Variants in RBFOX1 observed in about 807,000 individuals in gnomAD.
The protein encoded by RBFOX1 is RNA binding fox-1 homolog 1.
In RBFOX1, 8 loss-of-function variants were observed where a neutral mutation model predicts 57.7. The observed-to-expected ratio is 0.14, with a 90% confidence interval of 0.08 to 0.25. The LOEUF is 0.25. RBFOX1 is among the 10% of genes least tolerant of loss of function. The pLI is 1.00. For missense variants in RBFOX1, 611 were observed against 548.5 expected (o/e 1.11, Z -1.14); for synonymous variants, 326 against 222.4 (o/e 1.47, Z -4.15).
chr16:6,649,109 C>A (rs907605409), intron 2 of RBFOX1, among the ~76,000 whole-genome samples: 2 of 152,178 alleles, frequency 1.3e-5, no homozygotes, highest in Non-Finnish European at 2.9e-5. Context: ...CAGCAAACCC[C>A]CTGGTAGTGA....
At chr16:6,271,769 A>G (rs944315794) in intron 1 of RBFOX1, among the ~76,000 whole-genome samples, 2 of 152,220 alleles carry the variant, frequency 1.3e-5, no homozygotes, top group Non-Finnish European at 2.9e-5. Context: ...GATAATTTGA[A>G]TGTCCTATAA....
At chr16:7,040,837 A>G (rs995048680) in intron 3 of RBFOX1, among the ~76,000 whole-genome samples, 2 of 152,174 alleles carry the variant, frequency 1.3e-5, no homozygotes, top group African/African-American at 4.8e-5. Context: ...AGTTTGGCAA[A>G]TTGTGGCCAT....
intron 1 of RBFOX1, among the ~76,000 whole-genome samples, chr16:6,109,812 G>T (rs535576582): frequency 1.3e-5 from 2 of 152,248 alleles, no homozygotes; most frequent in South Asian, 2.1e-4. Flanking sequence ...TTGGCTTAAG[G>T]ATAAGTTACA....
intron 2 of RBFOX1, among the ~76,000 whole-genome samples, chr16:5,582,736 A>T (rs570828752): frequency 1.2e-4 from 18 of 151,890 alleles, no homozygotes. Flanking sequence ...AAAGCCCATC[A>T]TCTCAACCTC....
rs113908960 is a variant in RBFOX1, at chr16:5,841,894, C to A, written c.319-25409C>A. On this transcript the variant is annotated intron_variant, in intron 3 of 19. Transcript: ENST00000641259. ...TTCCTGGGCTGCCTCTCCTCAAAGC[C>A]GAGAGTCTCAAGTCTGATTTGAAAT... 3.7e-4 allele frequency among the ~76,000 whole-genome samples: 56 copies of A among 152,276 alleles called. 1 individual carries two copies. The highest frequency in any genetic ancestry group is 1.2e-3 in the African/African-American group (51 of 41,562).
intron 4 of RBFOX1, among the ~76,000 whole-genome samples, chr16:7,338,716 A>G (rs1167641317): frequency 1.3e-5 from 2 of 152,256 alleles, no homozygotes; most frequent in Non-Finnish European, 2.9e-5. Context: ...TGCAAATTAT[A>G]GAAACATCGG....
At chr16:7,462,351 C>T (rs979420264) in intron 4 of RBFOX1, among the ~76,000 whole-genome samples, 1 of 152,130 alleles carries the variant, frequency 6.6e-6, no homozygotes, top group Non-Finnish European at 1.5e-5. Flanking sequence ...AAAAATTTGC[C>T]TGGTATGATG....
At chr16:7,213,024 C>T (rs995783829) in intron 4 of RBFOX1, among the ~76,000 whole-genome samples, 2 of 152,048 alleles carry the variant, frequency 1.3e-5, no homozygotes, top group African/African-American at 4.8e-5. Context: ...ATTGTGCCTA[C>T]CCTTGCTTTT....
intron 4 of RBFOX1, among the ~76,000 whole-genome samples, chr16:7,342,356 C>A (rs1320259251): frequency 6.6e-6 from 1 of 152,156 alleles, no homozygotes; most frequent in African/African-American, 2.4e-5. Context: ...GAGTTGGCAT[C>A]CTGGCTCCTG....
At chr16:7,559,317 GTCTC>G (rs985896836) in intron 5 of RBFOX1, among the ~76,000 whole-genome samples, 12 of 146,968 alleles carry the variant, frequency 8.2e-5, no homozygotes, top group Admixed American at 3.3e-4. Context: ...CTTTCTCTCA[GTCTC>G]TCTCTTTCTC....
intron 1 of RBFOX1, among the ~76,000 whole-genome samples, chr16:6,025,395 T>C (rs572988887): frequency 6.6e-6 from 1 of 152,328 alleles, no homozygotes; most frequent in East Asian, 1.9e-4. Context: ...TTTCCAGTAA[T>C]GTTCTTTGTG....
At chr16:5,296,842 C>T (rs140184910) in intron 1 of RBFOX1, among the ~76,000 whole-genome samples, 280 of 152,066 alleles carry the variant, frequency 1.8e-3, no homozygotes, top group African/African-American at 6.3e-3. Context: ...CCACGCCCAG[C>T]TAATTTTTGT....
intron 1 of RBFOX1, among the ~76,000 whole-genome samples, chr16:5,454,806 TCC>T (rs2068536573): frequency 3.3e-5 from 5 of 150,344 alleles, no homozygotes; most frequent in African/African-American, 1.2e-4. Context: ...TTTCTTTCTT[TCC>T]CTTTCCTTTC....
intron 10 of RBFOX1, among the ~76,000 whole-genome samples, chr16:7,609,270 G>C (rs1039305947): frequency 1.3e-5 from 2 of 152,152 alleles, no homozygotes; most frequent in South Asian, 4.1e-4. Context: ...TGTTGTGGTG[G>C]AGAGGGCAAA....
chr16:6,973,463 T>C (rs1288383255), intron 3 of RBFOX1, among the ~76,000 whole-genome samples: 1 of 152,230 alleles, frequency 6.6e-6, no homozygotes, highest in African/African-American at 2.4e-5. Context: ...AGTAATAGAC[T>C]GTTGTGGACC....
At chr16:5,563,187 G>C (rs1271061038) in intron 2 of RBFOX1, among the ~76,000 whole-genome samples, 1 of 152,214 alleles carries the variant, frequency 6.6e-6, no homozygotes, top group Non-Finnish European at 1.5e-5. Flanking sequence ...GACATCAGGT[G>C]ATCTGCCTGC....
chr16:7,249,543 T>C (rs896151999), intron 4 of RBFOX1, among the ~76,000 whole-genome samples: 3 of 152,060 alleles, frequency 2.0e-5, no homozygotes, highest in African/African-American at 7.2e-5. Context: ...ATATGTTTTG[T>C]AGTTTTTTAA....
At position 7,514,767 on chromosome 16, in the gene RBFOX1, C is replaced by A. The variant is rs188208742; in HGVS notation, c.28-3380C>A. ...ACCATAAGCTTCTGGAAGGCATGAC[C>A]CTTCTCTCTTCAATACAGAGATAGC... On this transcript the variant is annotated intron_variant, in intron 4 of 15. Transcript: ENST00000550418. 5.3e-5 allele frequency among the ~76,000 whole-genome samples: 8 copies of A among 152,248 alleles called. No homozygotes were observed. The East Asian group carries it at 9.7e-4, about 18-fold the overall frequency.
intron 2 of RBFOX1, among the ~76,000 whole-genome samples, chr16:6,471,399 A>C (rs1193439695): frequency 6.6e-6 from 1 of 152,120 alleles, no homozygotes; most frequent in Non-Finnish European, 1.5e-5. Flanking sequence ...ACTAGTTTCT[A>C]TTATAATACT....
Sources: allele counts gnomAD v4.1 joint callset (sites outside exome capture counted in the v4.1 genomes callset), GRCh38; gene constraint gnomAD v4.1.1; transcripts MANE v1.5; gene names NCBI Gene and HGNC (gene_info 2026-07-23, HGNC 2026-07-21).